SPATA9: variants seen among roughly 807,000 people sequenced by gnomAD.
SPATA9 encodes spermatogenesis-associated protein 9.
In SPATA9, 27 loss-of-function variants were observed where a neutral mutation model predicts 25.5. That is an observed-to-expected ratio of 1.06 (90% confidence interval 0.78 to 1.46). The LOEUF is 1.46. SPATA9 is among the 40% of genes most tolerant of loss of function. The probability of loss-of-function intolerance (pLI) is 0.00; values close to 1 mark genes in which losing one functional copy is unlikely to be tolerated. For synonymous variants in SPATA9, 102 were observed against 105.7 expected (o/e 0.97, Z 0.21); for missense variants, 282 against 297.5 (o/e 0.95, Z 0.38).
the SPATA9 span, among the ~76,000 whole-genome samples, chr5:95,711,609 AAGGAGAT>A: frequency 6.6e-6 from 1 of 152,200 alleles, no homozygotes; most frequent in Non-Finnish European, 1.5e-5. Flanking sequence ...GGACGTCGTC[AAGGAGAT>A]ATGGGACGAC....
chr5:95,713,850 T>C, the SPATA9 span: 1 of 152,026 alleles, frequency 6.6e-6, no homozygotes, highest in Admixed American at 6.5e-5. Context: ...AAACAGAAAC[T>C]CTGAATACAT....
chr5:95,719,403 T>G, the SPATA9 span, among the ~76,000 whole-genome samples: 2 of 152,188 alleles, frequency 1.3e-5, no homozygotes, highest in Admixed American at 1.3e-4. Context: ...TAAACCTAGA[T>G]GGGTAAACCT....
At chr5:95,715,180 T>C in the SPATA9 span, among the ~76,000 whole-genome samples, 11 of 151,846 alleles carry the variant, frequency 7.2e-5, no homozygotes, top group African/African-American at 1.2e-4. Context: ...AAAAATTAGC[T>C]GGGCGTGGTG....
intron 3 of SPATA9, among the ~76,000 whole-genome samples, chr5:95,667,881 T>G (rs1220316898): frequency 1.4e-4 from 22 of 152,156 alleles, no homozygotes; most frequent in Admixed American, 1.4e-3. Flanking sequence ...GTCTTCAGGA[T>G]AGTGAATTCT....
chr5:95,731,628 A>C, the SPATA9 span: 1 of 1,609,890 alleles, frequency 6.2e-7, no homozygotes, highest in Non-Finnish European at 8.5e-7. Context: ...GGCCCCGCGA[A>C]GCCGTGAGCC....
intron 3 of SPATA9, 105 bp from the exon 4 acceptor site, chr5:95,664,153 A>C: frequency 3.4e-6 from 2 of 582,784 alleles, no homozygotes; most frequent in Non-Finnish European, 5.5e-6. Context: ...TTTCTAAAGA[A>C]AGTCATCTAC....
intron 3 of SPATA9, 133 bp downstream of exon 3, chr5:95,675,279 C>G: frequency 1.4e-6 from 1 of 719,244 alleles, no homozygotes; most frequent in Non-Finnish European, 2.2e-6. Context: ...AAAGCCCCAA[C>G]CATTCATTTC....
the SPATA9 span, among the ~76,000 whole-genome samples, chr5:95,726,955 C>G: frequency 6.6e-6 from 1 of 151,810 alleles, no homozygotes; most frequent in Non-Finnish European, 1.5e-5. Context: ...AGCTTAATTT[C>G]GTTTCCCCCC....
At chr5:95,711,324 A>G in the SPATA9 span, among the ~76,000 whole-genome samples, 1 of 152,050 alleles carries the variant, frequency 6.6e-6, no homozygotes, top group Admixed American at 6.5e-5. Context: ...AGAGGTAAAG[A>G]GAGTTAAAAG....
At chr5:95,706,302 T>C in the SPATA9 span, among the ~76,000 whole-genome samples, 2 of 151,730 alleles carry the variant, frequency 1.3e-5, no homozygotes, top group Non-Finnish European at 2.9e-5. Flanking sequence ...GATTGGATCA[T>C]GGCGGTGGAT....
downstream of SPATA9, chr5:95,654,395 A>G: frequency 7.0e-7 from 1 of 1,419,316 alleles, no homozygotes; most frequent in South Asian, 1.2e-5. Context: ...TATTTTCAGC[A>G]AATTCAGCAA....
intron 2 of SPATA9, 38 bp from the exon 3 acceptor site, chr5:95,675,677 TCTCCAGTGCATTATTAAAACTACTTCCG>T: frequency 6.4e-7 from 1 of 1,564,672 alleles, no homozygotes; most frequent in South Asian, 1.1e-5. Flanking sequence ...TGATGTGTAA[TCTCCAGTGCATTATTAAAACTACTTCCG>T]GCAGAGACTG....
At chr5:95,708,075 C>CAG in the SPATA9 span, among the ~76,000 whole-genome samples, 34,575 of 151,944 alleles carry the variant, frequency 0.23, 4,167 homozygotes, top group East Asian at 0.5. Context: ...CCAGCTAACT[C>CAG]TGATTAAAGT....
the SPATA9 span, among the ~76,000 whole-genome samples, chr5:95,718,545 G>A: frequency 3.9e-5 from 6 of 152,178 alleles, no homozygotes; most frequent in Non-Finnish European, 8.8e-5. Context: ...TAGAGACAGG[G>A]GTAAGTGAGA....
the SPATA9 span, among the ~76,000 whole-genome samples, chr5:95,709,576 G>A: frequency 2.0e-5 from 3 of 152,170 alleles, no homozygotes; most frequent in Non-Finnish European, 4.4e-5. Flanking sequence ...TATGGACGAG[G>A]TGAAGGCAGG....
At chr5:95,694,299 C>T (rs1293828116) in intron 1 of SPATA9, among the ~76,000 whole-genome samples, 5 of 152,138 alleles carry the variant, frequency 3.3e-5, no homozygotes, top group Non-Finnish European at 7.4e-5. Flanking sequence ...CAGAGCATGA[C>T]TTAAAAGTAC....
At chr5:95,723,642 A>G in the SPATA9 span, among the ~76,000 whole-genome samples, 1 of 152,212 alleles carries the variant, frequency 6.6e-6, no homozygotes, top group Admixed American at 6.5e-5. Context: ...TTAAAACAAT[A>G]CAAATACATT....
the SPATA9 span, among the ~76,000 whole-genome samples, chr5:95,709,214 T>G: frequency 6.6e-6 from 1 of 152,182 alleles, no homozygotes; most frequent in African/African-American, 2.4e-5. Flanking sequence ...GATGGGCTCC[T>G]CGAACAAGTG....
At chr5:95,681,971 T>C (rs1358435846) in intron 2 of SPATA9, among the ~76,000 whole-genome samples, 2 of 152,198 alleles carry the variant, frequency 1.3e-5, no homozygotes, top group Non-Finnish European at 2.9e-5. Context: ...CCTAAACAAG[T>C]TGTTACTTTT....
Sources: gnomAD v4.1 joint callset for allele counts (sites outside exome capture counted in the v4.1 genomes callset) on GRCh38, gnomAD v4.1.1 for gene constraint, MANE v1.5 for transcripts, NCBI Gene and HGNC (gene_info 2026-07-23, HGNC 2026-07-21) for gene names.